Variants in CAMKMT observed in about 807,000 individuals in gnomAD.
CAMKMT encodes the protein CaM KMT.
A neutral mutation model predicts 48.0 loss-of-function variants in CAMKMT; 53 were observed. That is an observed-to-expected ratio of 1.10 (90% CI 0.89 to 1.39). The LOEUF (loss-of-function observed/expected upper bound fraction) is 1.39, where lower values mean the gene tolerates loss of function less well. CAMKMT is among the 40% of genes most tolerant of loss of function. The pLI is 0.00. For missense variants in CAMKMT, 428 were observed against 402.7 expected (o/e 1.06, Z -0.54); for synonymous variants, 165 against 152.3 (o/e 1.08, Z -0.61).
intron 3 of CAMKMT, among the ~76,000 whole-genome samples, chr2:44,635,053 A>G (rs1673047062): frequency 6.6e-6 from 1 of 152,308 alleles, no homozygotes; most frequent in African/African-American, 2.4e-5. Flanking sequence ...AGTTTGGATG[A>G]CAGAGTGGGA....
At chr2:44,702,358 A>G (rs1677303750) in intron 3 of CAMKMT, among the ~76,000 whole-genome samples, 1 of 152,192 alleles carries the variant, frequency 6.6e-6, no homozygotes, top group South Asian at 2.1e-4. Flanking sequence ...TTGGATTCAC[A>G]TATTCTCTCT....
At chr2:44,706,429 C>T (rs1364730499) in intron 5 of CAMKMT, 88 bp downstream of exon 5, 1 of 1,289,466 alleles carries the variant, frequency 7.8e-7, no homozygotes, top group Non-Finnish European at 1.1e-6. Flanking sequence ...GTCAGAGAAC[C>T]GTCAACAGCA....
intron 3 of CAMKMT, chr2:44,457,326 C>T (rs1553394859): frequency 6.6e-6 from 1 of 151,832 alleles, no homozygotes; most frequent in Non-Finnish European, 1.5e-5. Flanking sequence ...AAAAGATGAT[C>T]ATAAATTCCT....
intron 3 of CAMKMT, among the ~76,000 whole-genome samples, chr2:44,411,136 C>T (rs1021574074): frequency 6.6e-6 from 1 of 152,136 alleles, no homozygotes; most frequent in Admixed American, 6.5e-5. Context: ...AAATACTTCT[C>T]TTGTTTGAAC....
intron 3 of CAMKMT, among the ~76,000 whole-genome samples, chr2:44,399,611 T>A (rs1682173692): frequency 6.7e-6 from 1 of 149,750 alleles, no homozygotes; most frequent in South Asian, 2.1e-4. Context: ...ACCTCTTAAA[T>A]ACAAAATAAT....
At chr2:44,375,088 G>A (rs1218878357) in intron 2 of CAMKMT, among the ~76,000 whole-genome samples, 1 of 152,118 alleles carries the variant, frequency 6.6e-6, no homozygotes, top group Non-Finnish European at 1.5e-5. Flanking sequence ...CCATAATCAT[G>A]CCACTGCACT....
chr2:44,404,865 T>A (rs1307904098), intron 3 of CAMKMT, among the ~76,000 whole-genome samples: 2 of 152,026 alleles, frequency 1.3e-5, no homozygotes. Flanking sequence ...ATATTAAGAG[T>A]GTCTTTTTAA....
chr2:44,648,205 G>C (rs1673859931), intron 3 of CAMKMT, among the ~76,000 whole-genome samples: 1 of 152,014 alleles, frequency 6.6e-6, no homozygotes, highest in Non-Finnish European at 1.5e-5. Flanking sequence ...ATGTATATTT[G>C]TTTATTTTTA....
intron 3 of CAMKMT, among the ~76,000 whole-genome samples, chr2:44,489,533 A>C (rs1279604114): frequency 1.3e-5 from 2 of 152,240 alleles, no homozygotes; most frequent in Non-Finnish European, 2.9e-5. Context: ...TGTGTGAGCC[A>C]CTGCGCCTGG....
intron 3 of CAMKMT, among the ~76,000 whole-genome samples, chr2:44,551,599 C>A (rs1286975414): frequency 1.3e-5 from 2 of 152,148 alleles, no homozygotes; most frequent in Admixed American, 1.3e-4. Flanking sequence ...AGCATTGAGG[C>A]CATGCTTTCT....
chr2:44,648,265 A>G (rs1215233862), intron 3 of CAMKMT, among the ~76,000 whole-genome samples: 1 of 152,226 alleles, frequency 6.6e-6, no homozygotes, highest in Non-Finnish European at 1.5e-5. Context: ...AATTGTCAGC[A>G]ACAATTACTC....
chr2:44,584,963 G>T (rs1669772739), intron 3 of CAMKMT, among the ~76,000 whole-genome samples: 1 of 151,896 alleles, frequency 6.6e-6, no homozygotes, highest in Non-Finnish European at 1.5e-5. Flanking sequence ...GCTGAGGCAG[G>T]AGAATGACAT....
chr2:44,629,433 C>CTTTTTTTTTTTTT (rs897761983), intron 3 of CAMKMT, among the ~76,000 whole-genome samples: 6 of 125,324 alleles, frequency 4.8e-5, no homozygotes, highest in South Asian at 2.6e-4. Flanking sequence ...TTCTTTCTTT[C>CTTTTTTTTTTTTT]TTTTTTTTTT....
At chr2:44,606,103 T>G (rs1190755952) in intron 3 of CAMKMT, among the ~76,000 whole-genome samples, 2 of 152,134 alleles carry the variant, frequency 1.3e-5, no homozygotes, top group African/African-American at 4.8e-5. Context: ...TTTGTGAGTG[T>G]TTGTGGCTAT....
At chr2:44,549,868 C>T (rs1667611430) in intron 3 of CAMKMT, 1 of 362,166 alleles carries the variant, frequency 2.8e-6, no homozygotes. Flanking sequence ...TGTTAAAAGT[C>T]TTGGTGTTAT....
chr2:44,610,866 C>G, intron 3 of CAMKMT, among the ~76,000 whole-genome samples: 1 of 152,078 alleles, frequency 6.6e-6, no homozygotes, highest in East Asian at 1.9e-4. Context: ...AGAATTTTGA[C>G]ATATAAGAAT....
chr2:44,576,532 A>T (rs1669231365), intron 3 of CAMKMT, among the ~76,000 whole-genome samples: 1 of 152,062 alleles, frequency 6.6e-6, no homozygotes, highest in African/African-American at 2.4e-5. Context: ...CCTGGTGGAG[A>T]ATAATTTGTT....
intron 3 of CAMKMT, among the ~76,000 whole-genome samples, chr2:44,575,301 A>G (rs1669154504): frequency 6.7e-6 from 1 of 149,060 alleles, no homozygotes; most frequent in Admixed American, 6.7e-5. Flanking sequence ...CTGATCTTGA[A>G]CTCCCGACCT....
chr2:44,662,410 A>C (rs1674730038), intron 3 of CAMKMT, among the ~76,000 whole-genome samples: 2 of 152,292 alleles, frequency 1.3e-5, no homozygotes, highest in African/African-American at 4.8e-5. Flanking sequence ...CAGTTGTATC[A>C]CAGGAACTTG....
Sources: gnomAD v4.1 joint callset for allele counts (sites outside exome capture counted in the v4.1 genomes callset) on GRCh38, gnomAD v4.1.1 for gene constraint, MANE v1.5 for transcripts, NCBI Gene and HGNC (gene_info 2026-07-23, HGNC 2026-07-21) for gene names.